Variants in TIAM1 observed in about 807,000 individuals in gnomAD.
TIAM1 encodes the protein rho guanine nucleotide exchange factor TIAM1.
In TIAM1, 65 loss-of-function variants were observed where a neutral mutation model predicts 163.5. The ratio of observed to expected loss-of-function variants is 0.40; its 90% CI spans 0.33 to 0.49. TIAM1 has a LOEUF of 0.49. TIAM1 is among the 20% of genes least tolerant of loss of function. The pLI, the probability that TIAM1 is intolerant of heterozygous loss-of-function variation, is 0.77. For synonymous variants in TIAM1, 833 were observed against 810.1 expected, an observed-to-expected ratio of 1.03 and a Z score of -0.48; for missense variants, 1,789 against 2,044.7, an observed-to-expected ratio of 0.87 and a Z score of 2.41.
chr21:31,146,596 A>G (rs2083127033), intron 20 of TIAM1, among the ~76,000 whole-genome samples: 1 of 151,720 alleles, frequency 6.6e-6, no homozygotes, highest in African/African-American at 2.4e-5. Flanking sequence ...CTGTAATCCC[A>G]GCTACTCGGG....
intron 2 of TIAM1, among the ~76,000 whole-genome samples, chr21:31,424,718 C>T (rs999661068): frequency 6.6e-6 from 1 of 152,108 alleles, no homozygotes; most frequent in Non-Finnish European, 1.5e-5. Flanking sequence ...GGAGACTGCA[C>T]AGGAATGTAA....
At chr21:31,468,828 C>A (rs1198297794) in intron 1 of TIAM1, among the ~76,000 whole-genome samples, 1 of 152,084 alleles carries the variant, frequency 6.6e-6, no homozygotes, top group Non-Finnish European at 1.5e-5. Context: ...GATTGCCCTT[C>A]AGATGACTTT....
At chr21:31,173,965 G>A (rs1362381757) in intron 15 of TIAM1, among the ~76,000 whole-genome samples, 1 of 152,180 alleles carries the variant, frequency 6.6e-6, no homozygotes, top group Non-Finnish European at 1.5e-5. Flanking sequence ...GCCATGTGCT[G>A]TGTGACAAGA....
At chr21:31,191,191 C>G (rs984757562) in intron 13 of TIAM1, among the ~76,000 whole-genome samples, 2 of 151,948 alleles carry the variant, frequency 1.3e-5, no homozygotes, top group Non-Finnish European at 2.9e-5. Context: ...GAGACAGAGT[C>G]TCACTCTGTC....
At chr21:31,511,229 A>G (rs542451996) in intron 1 of TIAM1, among the ~76,000 whole-genome samples, 2 of 152,330 alleles carry the variant, frequency 1.3e-5, no homozygotes, top group Admixed American at 1.3e-4. Flanking sequence ...CAACCCTAGG[A>G]CACTCAGCCC....
At chr21:31,163,508 T>C (rs1311680363) in intron 16 of TIAM1, among the ~76,000 whole-genome samples, 1 of 152,224 alleles carries the variant, frequency 6.6e-6, no homozygotes, top group Admixed American at 6.5e-5. Flanking sequence ...AAATATTAAA[T>C]TTTATATTGT....
intron 2 of TIAM1, among the ~76,000 whole-genome samples, chr21:31,463,517 T>C (rs566778316): frequency 2.1e-4 from 32 of 151,976 alleles, no homozygotes; most frequent in Non-Finnish European, 3.4e-4. Context: ...AATATTGTCA[T>C]GTTAAAAAAG....
intron 2 of TIAM1, among the ~76,000 whole-genome samples, chr21:31,402,009 T>G (rs117323901): frequency 0.014 from 2,103 of 151,388 alleles, 86 homozygotes; most frequent in East Asian, 0.14. Flanking sequence ...AGTCAGGAGA[T>G]CGACATCATC....
At chr21:31,127,630 C>T (rs1302383564) in intron 25 of TIAM1, among the ~76,000 whole-genome samples, 1 of 152,024 alleles carries the variant, frequency 6.6e-6, no homozygotes, top group Non-Finnish European at 1.5e-5. Context: ...GTTGGTTAGG[C>T]TGGTCTCGAA....
At chr21:31,520,978 G>A (rs1174390413) in intron 1 of TIAM1, among the ~76,000 whole-genome samples, 4 of 152,180 alleles carry the variant, frequency 2.6e-5, no homozygotes, top group Non-Finnish European at 4.4e-5. Flanking sequence ...AAATGTCAGG[G>A]GTTTAGACAC....
chr21:31,536,587 T>C (rs2048142493), intron 1 of TIAM1, among the ~76,000 whole-genome samples: 1 of 152,202 alleles, frequency 6.6e-6, no homozygotes, highest in Admixed American at 6.5e-5. Context: ...ACAATTACTT[T>C]TGCACCAACC....
chr21:31,156,531 A>G (rs1352606233), intron 16 of TIAM1, among the ~76,000 whole-genome samples: 1 of 152,260 alleles, frequency 6.6e-6, no homozygotes, highest in East Asian at 1.9e-4. Context: ...GAAATAAACT[A>G]AACAATTTTA....
intron 6 of TIAM1, among the ~76,000 whole-genome samples, chr21:31,229,040 G>A (rs2088235282): frequency 6.6e-6 from 1 of 152,122 alleles, no homozygotes; most frequent in Non-Finnish European, 1.5e-5. Flanking sequence ...CGACAAGTGG[G>A]GATTATGGGA....
chr21:31,458,826 G>A lies in TIAM1; in HGVS notation c.-369+5157C>T, dbSNP rs187429741. 7.8e-4 allele frequency among the ~76,000 whole-genome samples: 119 copies of A among 152,252 alleles called. 1 individual carries two copies. The highest frequency in any genetic ancestry group is 1.6e-3 in the Non-Finnish European group (106 of 68,016). ...CTCAGGGAAGCCTGTCCGGGGAGGC[G>A]ATATTTGAGCCAAGACCTGAAGGAA... On this transcript the variant is annotated intron_variant, in intron 2 of 28. Coordinates refer to the TIAM1 transcript ENST00000286827.
intron 1 of TIAM1, among the ~76,000 whole-genome samples, chr21:31,529,546 T>C (rs2047907833): frequency 6.6e-6 from 1 of 152,204 alleles, no homozygotes; most frequent in Non-Finnish European, 1.5e-5. Context: ...ATGTATCTTC[T>C]TTATCAGCAA....
chr21:31,544,953 C>A (rs1185583302), intron 1 of TIAM1, among the ~76,000 whole-genome samples: 1 of 151,990 alleles, frequency 6.6e-6, no homozygotes, highest in Non-Finnish European at 1.5e-5. Flanking sequence ...GCGGAGCTTG[C>A]AGTAAGCCAA....
At chr21:31,224,101 T>G (rs1393596353) in intron 7 of TIAM1, among the ~76,000 whole-genome samples, 1 of 152,204 alleles carries the variant, frequency 6.6e-6, no homozygotes, top group East Asian at 1.9e-4. Flanking sequence ...CTGTAGCATG[T>G]CTCTGAGACA....
chr21:31,506,912 G>A (rs540758405), intron 1 of TIAM1, among the ~76,000 whole-genome samples: 2 of 152,142 alleles, frequency 1.3e-5, no homozygotes, highest in Admixed American at 6.5e-5. Flanking sequence ...GGGAGACCCT[G>A]TCTCAAACAA....
chr21:31,305,142 A>C (rs1377649139), intron 2 of TIAM1, among the ~76,000 whole-genome samples: 1 of 152,224 alleles, frequency 6.6e-6, no homozygotes, highest in Non-Finnish European at 1.5e-5. Context: ...CTCAACAAAG[A>C]TGTGCAACTA....
Sources: allele counts gnomAD v4.1 joint callset (sites outside exome capture counted in the v4.1 genomes callset), GRCh38; gene constraint gnomAD v4.1.1; transcripts MANE v1.5; gene names NCBI Gene and HGNC (gene_info 2026-07-23, HGNC 2026-07-21).